Variants in TLK2 observed in about 807,000 individuals in gnomAD.
TLK2 encodes the protein tousled like kinase 2, also known as serine/threonine-protein kinase tousled-like 2.
Under a neutral mutation model 117.3 loss-of-function variants are expected in TLK2, and 6 were observed. That is an observed-to-expected ratio of 0.05 (90% CI 0.03 to 0.10). The LOEUF is 0.10. Ranked by LOEUF, TLK2 falls within the 10% of genes least tolerant of loss-of-function variation. TLK2 has a pLI of 1.00. For missense variants in TLK2, 299 were observed against 901.2 expected (o/e 0.33, Z 8.56); for synonymous variants, 257 against 316.7 (o/e 0.81, Z 2.00).
At chr17:62,564,599 T>C (rs1402757069) in intron 10 of TLK2, among the ~76,000 whole-genome samples, 3 of 147,814 alleles carry the variant, frequency 2.0e-5, no homozygotes, top group Non-Finnish European at 4.5e-5. Context: ...TCCCAGCTAC[T>C]CAGGAGACTG....
At chr17:62,563,098 AGTGGAATAC>A (rs1195088379) in intron 10 of TLK2, among the ~76,000 whole-genome samples, 1 of 152,242 alleles carries the variant, frequency 6.6e-6, no homozygotes, top group African/African-American at 2.4e-5. Context: ...ATTGTCATAC[AGTGGAATAC>A]TACTCAGTAA....
At chr17:62,526,069 A>G (rs1310482568) in intron 6 of TLK2, among the ~76,000 whole-genome samples, 2 of 152,208 alleles carry the variant, frequency 1.3e-5, no homozygotes, top group African/African-American at 4.8e-5. Context: ...AAAGAGATGA[A>G]CTCAATGATC....
rs1260951736 is a variant in TLK2 at position 62,612,602 on chromosome 17, A to G, written c.*37A>G. The G allele has an allele frequency of 6.4e-7, 1 of 1,567,582 alleles. No individual in the cohort carries two copies. Among genetic ancestry groups the G allele is most frequent in the Non-Finnish European group, 8.7e-7 (1 of 1,149,936 alleles). On this transcript the variant is annotated 3_prime_UTR_variant, in exon 22 of 22. Transcript: ENST00000346027. ...AGGCCACAAACTGTTCAACACACAC[A>G]AAGTGGACAAATGGCGTTCAGCAGC...
chr17:62,512,650 C>A (rs369696714), intron 2 of TLK2, among the ~76,000 whole-genome samples: 1 of 152,062 alleles, frequency 6.6e-6, no homozygotes, highest in East Asian at 1.9e-4. Flanking sequence ...TTTGTTTCCT[C>A]ATCCTGTTTA....
intron 16 of TLK2, among the ~76,000 whole-genome samples, chr17:62,586,870 A>G (rs1165652276): frequency 6.6e-6 from 1 of 151,266 alleles, no homozygotes; most frequent in African/African-American, 2.4e-5. Context: ...ACTAGACCCT[A>G]GGGAGCTGCT....
chr17:62,507,222 C>T (rs959948584), intron 2 of TLK2, among the ~76,000 whole-genome samples: 1 of 151,186 alleles, frequency 6.6e-6, no homozygotes, highest in African/African-American at 2.4e-5. Flanking sequence ...TGCGGTCAGC[C>T]GAGATCGTGC....
intron 16 of TLK2, among the ~76,000 whole-genome samples, chr17:62,591,112 G>T (rs1192517864): frequency 6.6e-6 from 1 of 152,116 alleles, no homozygotes; most frequent in Non-Finnish European, 1.5e-5. Context: ...AGCTGGGCAT[G>T]GTGGCACGCA....
At chr17:62,523,582 A>G (rs1053521771) in intron 5 of TLK2, among the ~76,000 whole-genome samples, 5 of 151,842 alleles carry the variant, frequency 3.3e-5, no homozygotes, top group African/African-American at 1.2e-4. Flanking sequence ...TCCAAAAAAA[A>G]GAAAGAAAGA....
intron 2 of TLK2, chr17:62,516,511 G>T: frequency 1.9e-6 from 3 of 1,607,838 alleles, no homozygotes; most frequent in Non-Finnish European, 2.5e-6. Context: ...AATCTCCGGG[G>T]GCAGATGAAG....
intron 2 of TLK2, among the ~76,000 whole-genome samples, chr17:62,503,415 CTTTTT>C (rs35652112): frequency 6.4e-5 from 6 of 94,012 alleles, no homozygotes; most frequent in South Asian, 3.8e-4. Context: ...TTAGTTATAA[CTTTTT>C]TTTTTTTTTT....
At chr17:62,548,238 A>ATGTGTGTGTGTG (rs141908103) in intron 7 of TLK2, among the ~76,000 whole-genome samples, 2,631 of 111,672 alleles carry the variant, frequency 0.024, 58 homozygotes, top group East Asian at 0.1. Context: ...ATATATATAT[A>ATGTGTGTGTGTG]TATGTGTGTG....
chr17:62,573,731 T>C (rs1419589389), intron 12 of TLK2, among the ~76,000 whole-genome samples: 1 of 152,224 alleles, frequency 6.6e-6, no homozygotes, highest in East Asian at 1.9e-4. Context: ...CTGGCTGTTA[T>C]TTCAGACTGA....
At chr17:62,606,464 A>G (rs933237068) in intron 20 of TLK2, among the ~76,000 whole-genome samples, 29 of 152,330 alleles carry the variant, frequency 1.9e-4, no homozygotes, top group African/African-American at 6.3e-4. Flanking sequence ...CGGGGCTGTT[A>G]AAAACATGCA....
At chr17:62,547,336 A>ATT (rs200732176) in intron 7 of TLK2, among the ~76,000 whole-genome samples, 1 of 137,676 alleles carries the variant, frequency 7.3e-6, no homozygotes, top group Non-Finnish European at 1.6e-5. Flanking sequence ...GTTGGCATGG[A>ATT]TTTTTTTTTT....
At chr17:62,598,187 A>G (rs998546734) in intron 17 of TLK2, among the ~76,000 whole-genome samples, 4 of 152,204 alleles carry the variant, frequency 2.6e-5, no homozygotes, top group African/African-American at 7.2e-5. Context: ...ATTGGGAAAC[A>G]AGGGGCGGGG....
intron 2 of TLK2, among the ~76,000 whole-genome samples, chr17:62,498,999 G>T (rs1279536814): frequency 2.0e-5 from 3 of 151,894 alleles, no homozygotes; most frequent in Admixed American, 2.0e-4. Flanking sequence ...GAGTAGCTGG[G>T]ACCACAGGCA....
chr17:62,493,712 C>G (rs1258445583), intron 2 of TLK2, among the ~76,000 whole-genome samples: 4 of 151,664 alleles, frequency 2.6e-5, no homozygotes, highest in African/African-American at 9.7e-5. Flanking sequence ...ATTATTGGCC[C>G]AGTAAGTAAG....
chr17:62,572,662 C>G (rs2080404320), intron 11 of TLK2, among the ~76,000 whole-genome samples: 1 of 152,158 alleles, frequency 6.6e-6, no homozygotes, highest in Non-Finnish European at 1.5e-5. Context: ...CTAGGTGTCA[C>G]TGTATCAGTG....
In TLK2 at chr17:62,471,974, C is replaced by T. The variant is rs1054019499; in HGVS notation, c.-205+896C>T. 2.8e-4 allele frequency among the ~76,000 whole-genome samples: 33 copies of T among 116,500 alleles called. 1 individual carries two copies. Among genetic ancestry groups the T allele is most frequent in the African/African-American group, 9.4e-4 (29 of 30,778 alleles). 76.4% of individuals were successfully genotyped at this position (116,500 alleles called of 152,430 possible). A position where few individuals can be genotyped will look rare whatever the true frequency, so the allele number is the denominator to read the frequency against. On this transcript the variant is annotated intron_variant, in intron 1 of 4. Coordinates refer to the TLK2 transcript ENST00000579450. ...AGTGCAGAGTGCAGTGGTGTGATTTCGGCTCACTGCAAGTTCTGCCTCCTG... is the reference window on the plus strand; with the variant it reads ...AGTGCAGAGTGCAGTGGTGTGATTTTGGCTCACTGCAAGTTCTGCCTCCTG...
Sources: allele counts gnomAD v4.1 joint callset (sites outside exome capture counted in the v4.1 genomes callset), GRCh38; gene constraint gnomAD v4.1.1; transcripts MANE v1.5; gene names NCBI Gene and HGNC (gene_info 2026-07-23, HGNC 2026-07-21).